F13B: variants seen among roughly 807,000 people sequenced by gnomAD.
F13B encodes the protein coagulation factor XIII B chain.
Under a neutral mutation model 79.8 loss-of-function variants are expected in F13B, and 58 were observed. The observed-to-expected ratio is 0.73, with a 90% CI of 0.59 to 0.90. The LOEUF (loss-of-function observed/expected upper bound fraction) is 0.90, where lower values mean the gene tolerates loss of function less well. Ranked by LOEUF, F13B falls within the 40% of genes least tolerant of loss-of-function variation. The pLI, the probability that F13B is intolerant of heterozygous loss-of-function variation, is 0.00. For synonymous variants in F13B, 283 were observed against 260.3 expected (o/e 1.09, Z -0.84); for missense variants, 773 against 777.0 (o/e 0.99, Z 0.06).
In F13B at chr1:197,061,090, A is replaced by G; in HGVS notation, c.452-15T>C. On this transcript the variant is annotated splice_polypyrimidine_tract_variant and intron_variant, in intron 3 of 11. Transcript: ENST00000367412. ...CAAACATGTTTCTAAAATTATAAAA[A>G]TTATTTATTTTATAAACTTTTTTAA... 7.9e-7 allele frequency: 1 copy of G among 1,259,706 alleles called. No individual in the cohort carries two copies. Among genetic ancestry groups the G allele is most frequent in the Non-Finnish European group, 1.1e-6 (1 of 921,426 alleles). 78.0% of individuals were successfully genotyped at this position (1,259,706 alleles called of 1,614,324 possible). A position where few individuals can be genotyped will look rare whatever the true frequency, so the allele number is the denominator to read the frequency against.
rs1475540487 is a variant in F13B at position 197,052,593 on chromosome 1, TGG to T, written c.1555+39_1555+40del. 6 of 1,398,226 alleles carry T rather than the reference TGG, an allele frequency of 4.3e-6. No homozygotes were observed. The Admixed American group carries it at 6.8e-5, about 16-fold the overall frequency. 86.6% of individuals were successfully genotyped at this position (1,398,226 alleles called of 1,614,324 possible). ...AATTTTCAACCGAGGTAGCAGATATTGGTCAAGTAAAGATACTTGCAGAGAAC... is the reference window on the plus strand; with the variant it reads ...AATTTTCAACCGAGGTAGCAGATATTTCAAGTAAAGATACTTGCAGAGAAC... On this transcript the variant is annotated intron_variant, in intron 9 of 11. Transcript: ENST00000367412.
intron 1 of F13B, among the ~76,000 whole-genome samples, chr1:197,066,122 A>C (rs1439690013): frequency 6.6e-6 from 1 of 152,192 alleles, no homozygotes; most frequent in Non-Finnish European, 1.5e-5. Context: ...CTATTTAGAC[A>C]GAAAAATAAA....
At chr1:197,050,917 A>G in intron 9 of F13B, 38 bp from the exon 10 acceptor site, 1 of 1,520,114 alleles carries the variant, frequency 6.6e-7, no homozygotes, top group East Asian at 2.3e-5. Flanking sequence ...ATGAATTGCT[A>G]TAATGAACAT....
chr1:197,046,105 A>G (rs1655219214), intron 10 of F13B, among the ~76,000 whole-genome samples: 1 of 152,222 alleles, frequency 6.6e-6, no homozygotes, highest in African/African-American at 2.4e-5. Context: ...AAACTGGCAC[A>G]AGACAGGGAT....
rs1252689947 is a variant in F13B at position 197,060,954 on chromosome 1, C to CTT, written c.571_572dup (p.Thr192ArgfsTer5). Reference sequence around the variant, plus strand: ...ATGTGAGACATTCTACCTCCTCTGTCTTCTTTCCTCCAGCTGTGTAGTAGC... The same window carrying CTT: ...ATGTGAGACATTCTACCTCCTCTGTCTTTTCTTTCCTCCAGCTGTGTAGTAGC... On this transcript the variant is annotated frameshift_variant, in exon 4 of 12. Transcript: ENST00000367412. LOFTEE classifies it high-confidence loss of function. 1 of 1,613,286 alleles carries CTT rather than the reference C, an allele frequency of 6.2e-7. No individual in the cohort carries two copies. The highest frequency in any genetic ancestry group is 8.5e-7 in the Non-Finnish European group (1 of 1,179,480).
At chr1:197,056,672 GCCCTTATTTACT>G (rs1655651528) in intron 7 of F13B, among the ~76,000 whole-genome samples, 1 of 152,138 alleles carries the variant, frequency 6.6e-6, no homozygotes, top group East Asian at 1.9e-4. Flanking sequence ...AATCCACCAT[GCCCTTATTTACT>G]TATCTAATGA....
chr1:197,056,958 A>C lies in F13B; in HGVS notation c.1171+55T>G, dbSNP rs1024971042. The stretch of plus-strand genomic sequence containing the variant: ...GGAATATTCAGATTAAAGTAACAGA[A>C]TGGAAAATTTTACACCATAAGTTTA... On this transcript the variant is annotated intron_variant, in intron 7 of 11. Coordinates refer to ENST00000367412, the MANE Select transcript of F13B (RefSeq NM_001994.3). 3.1e-6 allele frequency: 5 copies of C among 1,588,814 alleles called. No homozygotes were observed. The African/African-American group carries it at 6.7e-5, about 21-fold the overall frequency.
chr1:197,055,729 G>A lies in F13B; in HGVS notation c.1340C>T (p.Pro447Leu). Residue 447 changes from proline (P) to leucine (L), a missense_variant, in exon 8 of 12, where the codon CCA (proline) becomes CTA (leucine). By Grantham distance (98) the Pro-to-Leu change is moderately conservative. Transcript: ENST00000367412. ...SRCEQGKWSS[P>L]PVCLEPCTVN... ...CTCTTTCTTACCCAAGCAAACAGGT[G>A]GGGATGACCATTTTCCTTGTTCGCA... 2.5e-6 allele frequency: 4 copies of A among 1,613,402 alleles called. No homozygotes were observed. Among genetic ancestry groups the A allele is most frequent in the Non-Finnish European group, 3.4e-6 (4 of 1,179,608 alleles).
chr1:197,058,353 A>G (rs770003136), intron 5 of F13B, among the ~76,000 whole-genome samples: 4 of 152,164 alleles, frequency 2.6e-5, no homozygotes, highest in Non-Finnish European at 5.9e-5. Flanking sequence ...GCTTTGATGA[A>G]TTACAATTTA....
chr1:197,060,618 G>A (rs1323249111), intron 4 of F13B, 76 bp from the exon 5 acceptor site: 3 of 1,015,320 alleles, frequency 3.0e-6, no homozygotes, highest in Non-Finnish European at 2.9e-6. Flanking sequence ...CTATTTACAT[G>A]ACATAACTAG....
Position 197,040,566 on chromosome 1 carries a change from A to G in F13B, c.1908T>C (p.Cys636=). The G allele has an allele frequency of 6.2e-7, 1 of 1,613,150 alleles. No homozygotes were observed. The highest frequency in any genetic ancestry group is 1.1e-5 in the South Asian group (1 of 91,042). The change falls in exon 11 of 12, where the codon TGT becomes TGC. Residue 636 remains cysteine (C), a synonymous_variant. Transcript: ENST00000367412. Reference sequence around the variant, plus strand: ...TTGGATATTTTAACTGCCCTCTGTCACATTGCATTCTAAGTATAGATCCAG... The same window carrying G: ...TTGGATATTTTAACTGCCCTCTGTCGCATTGCATTCTAAGTATAGATCCAG... The part of the protein sequence containing the change: ...YITGSILRMQ[C]DRGQLKYPRC...
At chr1:197,060,125 A>G (rs1251028578) in intron 5 of F13B, among the ~76,000 whole-genome samples, 1 of 152,068 alleles carries the variant, frequency 6.6e-6, no homozygotes, top group Non-Finnish European at 1.5e-5. Context: ...TGTATAATAG[A>G]TATTTTAAAA....
chr1:197,050,954 C>T, intron 9 of F13B, 75 bp from the exon 10 acceptor site: 1 of 1,267,086 alleles, frequency 7.9e-7, no homozygotes, highest in Non-Finnish European at 1.1e-6. Flanking sequence ...GCTACAGAGA[C>T]AGAGTCTCCC....
chr1:197,063,011 T>C lies in F13B; in HGVS notation c.111A>G (p.Gln37=). Residue 37 remains glutamine (Q), a synonymous_variant, in exon 2 of 12, where the codon CAA becomes CAG. Transcript: ENST00000367412. The part of the protein sequence containing the change: ...FPHVENGRIA[Q]YYYTFKSFYF... ...AAAAGCTTTTAAAAGTATAGTAATA[T>C]TGGGCAATTCTTCCATTTTCCACAT... 1.2e-6 allele frequency: 2 copies of C among 1,613,234 alleles called. No individual in the cohort carries two copies. Among genetic ancestry groups the C allele is most frequent in the Non-Finnish European group, 1.7e-6 (2 of 1,179,698 alleles).
chr1:197,049,719 G>A (rs1371718368), intron 10 of F13B, among the ~76,000 whole-genome samples: 2 of 152,014 alleles, frequency 1.3e-5, no homozygotes, highest in African/African-American at 4.8e-5. Flanking sequence ...GCACAGACTT[G>A]ATATCAAACC....
At position 197,052,848 on chromosome 1, in the gene F13B, TG is replaced by T; in HGVS notation, c.1355-15del. 6.3e-7 allele frequency: 1 copy of T among 1,595,446 alleles called. No individual in the cohort carries two copies. Among genetic ancestry groups the T allele is most frequent in the South Asian group, 1.1e-5 (1 of 90,124 alleles). On this transcript the variant is annotated splice_polypyrimidine_tract_variant and intron_variant, in intron 8 of 11. Coordinates refer to ENST00000367412, the MANE Select transcript of F13B (RefSeq NM_001994.3). ...CAGTACATGGTTCTGTAAAACAAAA[TG>T]CTCTTTTAAATTCTTTACTTGTCTG...
At chr1:197,047,854 G>C (rs1391085390) in intron 10 of F13B, among the ~76,000 whole-genome samples, 1 of 152,062 alleles carries the variant, frequency 6.6e-6, no homozygotes, top group Non-Finnish European at 1.5e-5. Context: ...CATGGATGAA[G>C]CTGGAAGCCA....
In F13B at chr1:197,055,774, C is replaced by G. The variant is rs775035737; in HGVS notation, c.1295G>C (p.Arg432Thr). 1 of 1,613,622 alleles carries G rather than the reference C, an allele frequency of 6.2e-7. No individual in the cohort carries two copies. The highest frequency in any genetic ancestry group is 1.7e-5 in the Admixed American group (1 of 59,886). ...TTCGCAACGAGATATTTTTGATCCC[C>G]TCAGTAAGTAATATTCATTGCATCT... The part of the protein sequence containing the change: ...EYRCNEYYLL[R>T]GSKISRCEQG... Residue 432 changes from arginine (R) to threonine (T), a missense_variant, in exon 8 of 12, where the codon AGG (arginine) becomes ACG (threonine). Arg to Thr is a moderately conservative substitution (Grantham distance 71). Transcript: ENST00000367412.
In F13B at chr1:197,060,364, A is replaced by C. The variant is rs1327657909; in HGVS notation, c.805+2T>G. On this transcript the variant is annotated splice_donor_variant, in intron 5 of 11. Coordinates refer to ENST00000367412, the MANE Select transcript of F13B (RefSeq NM_001994.3). LOFTEE classifies it high-confidence loss of function. ...TTGCGAGTATTAAATTTAAAAATTT[A>C]CCTTCGCATACAGGAGATTCTGGGT... 6.2e-7 allele frequency: 1 copy of C among 1,609,064 alleles called. No homozygotes were observed. The highest frequency in any genetic ancestry group is 1.7e-5 in the Admixed American group (1 of 59,928).
Sources: allele counts gnomAD v4.1 joint callset (sites outside exome capture counted in the v4.1 genomes callset), GRCh38; gene constraint gnomAD v4.1.1; transcripts MANE v1.5; gene names NCBI Gene and HGNC (gene_info 2026-07-23, HGNC 2026-07-21).